PRKG1: variants seen among roughly 807,000 people sequenced by gnomAD.
PRKG1 encodes the protein cGMP-dependent protein kinase 1.
In PRKG1, 35 loss-of-function variants were observed where a neutral mutation model predicts 88.1. The observed-to-expected ratio is 0.40, with a 90% CI of 0.30 to 0.53. PRKG1 has a LOEUF of 0.53. Ranked by LOEUF, PRKG1 falls within the 20% of genes least tolerant of loss-of-function variation. The pLI is 0.59. For synonymous variants in PRKG1, 303 were observed against 292.5 expected (o/e 1.04, Z -0.37); for missense variants, 540 against 839.8 (o/e 0.64, Z 4.41).
rs200475991 is a variant in PRKG1 at position 51,088,808 on chromosome 10, A to ATTTTT, written c.311+13921_311+13925dup. Among the ~76,000 whole-genome samples, 194 of 137,014 alleles carry ATTTTT rather than the reference A, an allele frequency of 1.4e-3. 2 individuals are homozygous for ATTTTT. The highest frequency in any genetic ancestry group is 5.2e-3 in the African/African-American group (191 of 36,862). The allele number at this position is 137,014 out of a possible 152,430, so 89.9% of individuals were successfully genotyped here. A position where few individuals can be genotyped will look rare whatever the true frequency, so the allele number is the denominator to read the frequency against. On this transcript the variant is annotated intron_variant, in intron 1 of 17. Coordinates refer to ENST00000373980, the MANE Select transcript of PRKG1 (RefSeq NM_006258.4). ...TGGCACACAGTAGATATTTAATATG[A>ATTTTT]TTTTTTTTTTTTTTTTTTGTCAAAT... is the stretch of plus-strand genomic sequence containing the variant.
At chr10:52,245,209 A>G (rs1840993503) in intron 9 of PRKG1, among the ~76,000 whole-genome samples, 1 of 151,584 alleles carries the variant, frequency 6.6e-6, no homozygotes, top group African/African-American at 2.4e-5. Flanking sequence ...CAATGTTCTT[A>G]CTCCTTTTTC....
At chr10:52,114,243 A>C (rs565872043) in intron 7 of PRKG1, among the ~76,000 whole-genome samples, 1 of 152,190 alleles carries the variant, frequency 6.6e-6, no homozygotes, top group Non-Finnish European at 1.5e-5. Context: ...GATTAGTGGA[A>C]GGTACATGGA....
chr10:51,836,856 G>A (rs1407599815), intron 4 of PRKG1, among the ~76,000 whole-genome samples: 1 of 152,140 alleles, frequency 6.6e-6, no homozygotes, highest in East Asian at 1.9e-4. Context: ...ATGACCCAGA[G>A]GGTTGTGTTG....
At chr10:51,379,704 C>T (rs559987417) in intron 2 of PRKG1, among the ~76,000 whole-genome samples, 1 of 152,318 alleles carries the variant, frequency 6.6e-6, no homozygotes, top group South Asian at 2.1e-4. Context: ...TTACATCCTT[C>T]TGTTCACTCG....
intron 1 of PRKG1, among the ~76,000 whole-genome samples, chr10:51,135,826 G>C (rs781251300): frequency 6.6e-6 from 1 of 151,886 alleles, no homozygotes; most frequent in Non-Finnish European, 1.5e-5. Context: ...TGGATATTGG[G>C]GGAGCAGTTT....
At chr10:52,152,625 A>G (rs550923337) in intron 8 of PRKG1, among the ~76,000 whole-genome samples, 2 of 152,150 alleles carry the variant, frequency 1.3e-5, no homozygotes, top group Non-Finnish European at 2.9e-5. Flanking sequence ...CAAATGTAGC[A>G]TGGGATAATT....
chr10:52,147,500 T>C (rs932300515), intron 8 of PRKG1, among the ~76,000 whole-genome samples: 1 of 152,228 alleles, frequency 6.6e-6, no homozygotes, highest in African/African-American at 2.4e-5. Context: ...CAGAGTTACA[T>C]TGCTGTATTG....
intron 9 of PRKG1, among the ~76,000 whole-genome samples, chr10:52,173,942 T>A (rs757204129): frequency 2.6e-5 from 4 of 152,116 alleles, no homozygotes; most frequent in Non-Finnish European, 5.9e-5. Context: ...TAATTACTTA[T>A]CAGTTTTACT....
chr10:51,714,587 G>C (rs1197234779), intron 3 of PRKG1, among the ~76,000 whole-genome samples: 2 of 152,156 alleles, frequency 1.3e-5, no homozygotes, highest in Non-Finnish European at 2.9e-5. Flanking sequence ...GAGGAAGATG[G>C]AGGGATGTGG....
intron 3 of PRKG1, among the ~76,000 whole-genome samples, chr10:51,486,010 C>A (rs1404701473): frequency 1.3e-5 from 2 of 152,178 alleles, no homozygotes; most frequent in Non-Finnish European, 2.9e-5. Context: ...CGTCATTTAT[C>A]AATCTATCCC....
In PRKG1 at chr10:51,381,256, T is replaced by TAAAAAAAAA. The variant is rs71029366; in HGVS notation, c.479-86431_479-86423dup. The stretch of plus-strand genomic sequence containing the variant: ...TGGGCAACAGAGCAAGCCTCCATCT[T>TAAAAAAAAA]AAAAAAAAAAAAAAAAAAAAAAAAA... On this transcript the variant is annotated intron_variant, in intron 2 of 17. Transcript: ENST00000373980. Among the ~76,000 whole-genome samples, 22 of 32,054 alleles carry TAAAAAAAAA rather than the reference T, an allele frequency of 6.9e-4. 1 individual carries two copies. The highest frequency in any genetic ancestry group is 9.0e-4 in the Non-Finnish European group (15 of 16,728). 21.0% of individuals were successfully genotyped at this position (32,054 alleles called of 152,430 possible). A position where few individuals can be genotyped will look rare whatever the true frequency, so the allele number is the denominator to read the frequency against.
chr10:52,146,078 A>C (rs1010112948), intron 8 of PRKG1, among the ~76,000 whole-genome samples: 1 of 152,206 alleles, frequency 6.6e-6, no homozygotes, highest in Non-Finnish European at 1.5e-5. Flanking sequence ...CACTGGAGAC[A>C]GTACATTGTC....
At chr10:51,431,980 C>T (rs147571551) in intron 2 of PRKG1, among the ~76,000 whole-genome samples, 147 of 152,170 alleles carry the variant, frequency 9.7e-4, no homozygotes, top group African/African-American at 3.2e-3. Context: ...ACTACTAGTA[C>T]GTACATTGAC....
chr10:51,510,056 G>A (rs988600821), intron 3 of PRKG1, among the ~76,000 whole-genome samples: 6 of 152,040 alleles, frequency 3.9e-5, no homozygotes, highest in African/African-American at 1.2e-4. Context: ...CATAATAAGA[G>A]CATTTATTCT....
chr10:51,152,972 G>A (rs762389432), intron 1 of PRKG1, among the ~76,000 whole-genome samples, 192 bp from the exon 2 acceptor site: 12 of 137,940 alleles, frequency 8.7e-5, no homozygotes, highest in Non-Finnish European at 1.4e-4. Context: ...AAAATTCTTA[G>A]TGCCTTTTTT....
intron 7 of PRKG1, among the ~76,000 whole-genome samples, chr10:52,088,085 C>T (rs1846961179): frequency 6.6e-6 from 1 of 152,154 alleles, no homozygotes. Flanking sequence ...GTTTCACATC[C>T]TGCTTAACTC....
intron 1 of PRKG1, among the ~76,000 whole-genome samples, chr10:51,047,085 G>A (rs922023488): frequency 1.1e-4 from 17 of 152,162 alleles, no homozygotes; most frequent in Non-Finnish European, 1.3e-4. Context: ...GGAAATACAC[G>A]TTTTTCTCAC....
intron 2 of PRKG1, among the ~76,000 whole-genome samples, chr10:51,170,051 A>G (rs1846660521): frequency 6.6e-6 from 1 of 151,950 alleles, no homozygotes; most frequent in Admixed American, 6.6e-5. Flanking sequence ...GTCTGCTTTG[A>G]CACCTTCTGA....
At chr10:51,423,943 C>T (rs1349485466) in intron 2 of PRKG1, among the ~76,000 whole-genome samples, 1 of 152,210 alleles carries the variant, frequency 6.6e-6, no homozygotes, top group East Asian at 1.9e-4. Context: ...ATGTTTGCTA[C>T]ATTTGGAGCT....
Sources: allele counts gnomAD v4.1 joint callset (sites outside exome capture counted in the v4.1 genomes callset), GRCh38; gene constraint gnomAD v4.1.1; transcripts MANE v1.5; gene names NCBI Gene and HGNC (gene_info 2026-07-23, HGNC 2026-07-21).